ARHGAP19: variants seen among roughly 807,000 people sequenced by gnomAD.
ARHGAP19 encodes the protein rho GTPase-activating protein 19.
Under a neutral mutation model 60.9 loss-of-function variants are expected in ARHGAP19, and 48 were observed. That is an observed-to-expected ratio of 0.79 (90% CI 0.62 to 1.00). The LOEUF is 1.00. Ranked by LOEUF, ARHGAP19 falls within the 50% of genes least tolerant of loss-of-function variation. ARHGAP19 has a pLI of 0.00. For missense variants in ARHGAP19, 562 were observed against 597.2 expected, an observed-to-expected ratio of 0.94 and a Z score of 0.61; for synonymous variants, 209 against 215.5, an observed-to-expected ratio of 0.97 and a Z score of 0.27.
At chr10:97,287,468 G>A (rs1470278165) in intron 1 of ARHGAP19, among the ~76,000 whole-genome samples, 1 of 152,222 alleles carries the variant, frequency 6.6e-6, no homozygotes, top group African/African-American at 2.4e-5. Flanking sequence ...TTGGCCAGGT[G>A]CAGTGGCTCA....
At chr10:97,292,009 T>C (rs576856251) in intron 1 of ARHGAP19, among the ~76,000 whole-genome samples, 181 of 152,316 alleles carry the variant, frequency 1.2e-3, no homozygotes, top group Non-Finnish European at 1.8e-3. Flanking sequence ...GAGTTGTCAT[T>C]ATCGGCTAAA....
At chr10:97,239,550 GGGTGTGTGTGTGTGTGTGTGTGTGTGT>G (rs1842440053) in intron 8 of ARHGAP19, among the ~76,000 whole-genome samples, 3 of 115,002 alleles carry the variant, frequency 2.6e-5, no homozygotes, top group African/African-American at 3.7e-5. Context: ...GAGAGAGAGA[GGGTGTGTGTGTGTGTGTGTGTGTGTGT>G]GTGTGTGTGT....
At chr10:97,283,831 T>TA (rs55665818) in intron 1 of ARHGAP19, among the ~76,000 whole-genome samples, 32,877 of 126,774 alleles carry the variant, frequency 0.26, 4,568 homozygotes, top group Non-Finnish European at 0.3. Context: ...TCATCTCTAT[T>TA]AAAAAAAAAA....
chr10:97,239,561 T>C (rs1487368484), intron 8 of ARHGAP19, among the ~76,000 whole-genome samples: 6 of 24,152 alleles, frequency 2.5e-4, no homozygotes, highest in African/African-American at 3.7e-4. Flanking sequence ...GGTGTGTGTG[T>C]GTGTGTGTGT....
In ARHGAP19 at chr10:97,282,870, C is replaced by T. The variant is rs1843104299; in HGVS notation, c.56+9702G>A. Among the ~76,000 whole-genome samples, 4 of 120,276 alleles carry T rather than the reference C, an allele frequency of 3.3e-5. No homozygotes were observed. The South Asian group carries it at 8.3e-4, about 25-fold the overall frequency. The allele number at this position is 120,276 out of a possible 152,430, so 78.9% of individuals were successfully genotyped here. ...TTTTTTTTTTTTTTTGAGACAGAGTCTCACTCTGGTCGCCCAGGCTGGAGT... is the reference window on the plus strand; with the variant it reads ...TTTTTTTTTTTTTTTGAGACAGAGTTTCACTCTGGTCGCCCAGGCTGGAGT... On this transcript the variant is annotated intron_variant, in intron 1 of 11. Coordinates refer to ENST00000358531, the MANE Select transcript of ARHGAP19 (RefSeq NM_032900.6).
At chr10:97,243,828 C>A in intron 8 of ARHGAP19, 140 bp downstream of exon 8, 1 of 739,284 alleles carries the variant, frequency 1.4e-6, no homozygotes, top group South Asian at 2.1e-5. Context: ...GCACAGAGAT[C>A]ACTGTGGAGA....
chr10:97,238,127 G>A (rs1842411266), intron 8 of ARHGAP19, among the ~76,000 whole-genome samples: 1 of 152,196 alleles, frequency 6.6e-6, no homozygotes, highest in South Asian at 2.1e-4. Flanking sequence ...AGTGGAATAA[G>A]ATGTAGAGGC....
chr10:97,282,760 CCTT>C (rs1333796154), intron 1 of ARHGAP19, among the ~76,000 whole-genome samples: 1 of 151,874 alleles, frequency 6.6e-6, no homozygotes, highest in East Asian at 1.9e-4. Flanking sequence ...CTAGCCAATT[CCTT>C]GTTACTCGAA....
intron 6 of ARHGAP19, among the ~76,000 whole-genome samples, chr10:97,250,636 C>A (rs1842630516): frequency 6.6e-6 from 1 of 151,774 alleles, no homozygotes; most frequent in Non-Finnish European, 1.5e-5. Context: ...CCTTGGCCTC[C>A]CAAAGTGCTG....
chr10:97,263,537 A>G lies in ARHGAP19; in HGVS notation c.496T>C (p.Leu166=). 1.9e-6 allele frequency: 3 copies of G among 1,614,152 alleles called. No individual in the cohort carries two copies. Among genetic ancestry groups the G allele is most frequent in the African/African-American group, 2.7e-5 (2 of 75,040 alleles). ...DALNNGTDID[L]ESGEFHSNDV... ...TTTGAGTGAAATTCCCCTGATTCCAAGTCAATGTCAGTTCCATTATTGAGA... is the reference window on the plus strand; with the variant it reads ...TTTGAGTGAAATTCCCCTGATTCCAGGTCAATGTCAGTTCCATTATTGAGA... The change falls in exon 4 of 12, where the codon TTG becomes CTG. Residue 166 remains leucine (L), a synonymous_variant. Transcript: ENST00000358531.
chr10:97,229,658 T>C (rs1850966300), intron 10 of ARHGAP19, 106 bp downstream of exon 10: 2 of 844,374 alleles, frequency 2.4e-6, no homozygotes, highest in Non-Finnish European at 3.7e-6. Flanking sequence ...AAAAAGCCAT[T>C]TGAATGGCCC....
In ARHGAP19 at chr10:97,285,771, C is replaced by T. The variant is rs180673478; in HGVS notation, c.56+6801G>A. ...CTGACCTCAAGTGATCTGCCCGCCTCGGCCTCCCAAAGTGCTGCGATTACA... is the reference window on the plus strand; with the variant it reads ...CTGACCTCAAGTGATCTGCCCGCCTTGGCCTCCCAAAGTGCTGCGATTACA... On this transcript the variant is annotated intron_variant, in intron 1 of 11. Transcript: ENST00000358531. Among the ~76,000 whole-genome samples, 10 of 152,230 alleles carry T rather than the reference C, an allele frequency of 6.6e-5. No homozygotes were observed. The East Asian group carries it at 1.5e-3, about 24-fold the overall frequency.
intron 1 of ARHGAP19, among the ~76,000 whole-genome samples, chr10:97,267,892 T>C (rs1182142097): frequency 3.3e-5 from 5 of 152,252 alleles, no homozygotes; most frequent in Non-Finnish European, 5.9e-5. Context: ...AGGCCTGTGA[T>C]GGGAGGTGCT....
intron 8 of ARHGAP19, among the ~76,000 whole-genome samples, chr10:97,242,472 T>A (rs1460608443): frequency 6.6e-6 from 1 of 151,950 alleles, no homozygotes; most frequent in Non-Finnish European, 1.5e-5. Flanking sequence ...TAGCTGGGAT[T>A]ATAGGCATGT....
chr10:97,281,937 G>A (rs1380538873), intron 1 of ARHGAP19, among the ~76,000 whole-genome samples: 2 of 152,270 alleles, frequency 1.3e-5, no homozygotes, highest in East Asian at 3.9e-4. Context: ...ACACATTAGT[G>A]GCCAGCCCTT....
intron 1 of ARHGAP19, among the ~76,000 whole-genome samples, chr10:97,282,144 C>T (rs1843093128): frequency 6.6e-6 from 1 of 152,172 alleles, no homozygotes. Context: ...AGCATGTCAT[C>T]CAAGCTTAAC....
chr10:97,290,783 A>C (rs1484009362), intron 1 of ARHGAP19, among the ~76,000 whole-genome samples: 2 of 152,158 alleles, frequency 1.3e-5, no homozygotes. Context: ...ACAGCCTGCT[A>C]GCCCATGCTC....
At chr10:97,263,289 A>G (rs1181078572) in intron 4 of ARHGAP19, 131 bp downstream of exon 4, 1 of 906,072 alleles carries the variant, frequency 1.1e-6, no homozygotes, top group East Asian at 2.6e-5. Flanking sequence ...AGAGAAGTCC[A>G]GCAACATCAC....
chr10:97,262,614 G>A (rs572864956), intron 4 of ARHGAP19, among the ~76,000 whole-genome samples: 1 of 152,004 alleles, frequency 6.6e-6, no homozygotes, highest in African/African-American at 2.4e-5. Flanking sequence ...GCAGTGAGCC[G>A]AGATTGCACC....
Sources: gnomAD v4.1 joint callset for allele counts (sites outside exome capture counted in the v4.1 genomes callset) on GRCh38, gnomAD v4.1.1 for gene constraint, MANE v1.5 for transcripts, NCBI Gene and HGNC (gene_info 2026-07-23, HGNC 2026-07-21) for gene names.